The following PCDHGB3 variants were observed in gnomAD, a reference collection of about 807,000 sequenced individuals.
The protein encoded by PCDHGB3 is protocadherin gamma-B3.
Under a neutral mutation model 59.2 loss-of-function variants are expected in PCDHGB3, and 40 were observed. That is an observed-to-expected ratio of 0.68 (90% CI 0.52 to 0.88). PCDHGB3 has a LOEUF of 0.88. PCDHGB3 is among the 40% of genes least tolerant of loss of function. The pLI, the probability that PCDHGB3 is intolerant of heterozygous loss-of-function variation, is 0.00. For missense variants in PCDHGB3, 1,309 were observed against 1,187.9 expected (o/e 1.10, Z -1.50); for synonymous variants, 581 against 503.6 (o/e 1.15, Z -2.06).
At chr5:141,458,028 G>A (rs1363025110) in intron 1 of PCDHGB3, among the ~76,000 whole-genome samples, 2 of 152,122 alleles carry the variant, frequency 1.3e-5, no homozygotes, top group African/African-American at 4.8e-5. Flanking sequence ...ATTGTGTTCT[G>A]TTGACAAAGA....
chr5:141,433,921 T>G (rs1203867326), intron 1 of PCDHGB3, among the ~76,000 whole-genome samples: 2 of 152,012 alleles, frequency 1.3e-5, no homozygotes, highest in African/African-American at 4.8e-5. Flanking sequence ...CACCTCCAAA[T>G]GAAGATTTTA....
At chr5:141,386,097 T>C (rs1216816786) in intron 1 of PCDHGB3, 9 of 152,236 alleles carry the variant, frequency 5.9e-5, no homozygotes, top group African/African-American at 2.2e-4. Flanking sequence ...AGATGAAGTG[T>C]GTCTGTGGGC....
chr5:141,389,491 G>C, intron 1 of PCDHGB3: 1 of 1,612,994 alleles, frequency 6.2e-7, no homozygotes, highest in Non-Finnish European at 8.5e-7. Context: ...CGCGACCAGG[G>C]CTCGCCAGCG....
chr5:141,491,414 G>T lies in PCDHGB3; in HGVS notation c.2416-3393G>T, dbSNP rs137987971. ...CTTCAGGGAAACGCAGACGGGGACGGGGGTGGAGGGCAGTGCTGCAGGCGC... is the reference window on the plus strand; with the variant it reads ...CTTCAGGGAAACGCAGACGGGGACGTGGGTGGAGGGCAGTGCTGCAGGCGC... On this transcript the variant is annotated intron_variant, in intron 1 of 3. Coordinates refer to ENST00000576222, the MANE Select transcript of PCDHGB3 (RefSeq NM_018924.5). The surrounding 1 kb of genome is among the most constrained non-coding windows in gnomAD (Gnocchi z 6.9). 1.9e-6 allele frequency: 3 copies of T among 1,614,008 alleles called. No homozygotes were observed. Among genetic ancestry groups the T allele is most frequent in the Non-Finnish European group, 2.5e-6 (3 of 1,180,030 alleles).
chr5:141,418,985 T>C, intron 1 of PCDHGB3: 1 of 1,613,882 alleles, frequency 6.2e-7, no homozygotes, highest in Non-Finnish European at 8.5e-7. Context: ...GGACCAAGAC[T>C]CAGGGGAAAA....
rs376897075 is a variant in PCDHGB3, at chr5:141,372,333, C to A, written c.1939C>A (p.Arg647Ser). 5 of 1,613,732 alleles carry A rather than the reference C, an allele frequency of 3.1e-6. No homozygotes were observed. Among genetic ancestry groups the A allele is most frequent in the Non-Finnish European group, 4.2e-6 (5 of 1,179,906 alleles). Residue 647 changes from arginine (R) to serine (S), a missense_variant, in exon 1 of 4, where the codon CGT becomes AGT. Physicochemically the swap from Arg to Ser is moderately radical, Grantham distance 110. Coordinates refer to ENST00000576222, the MANE Select transcript of PCDHGB3 (RefSeq NM_018924.5). ...AARQRLLVTV[R>S]DGGQQPLSAT... is the part of the protein sequence containing the mutation. ...CCGCCAGCGCCTGCTGGTCACTGTG[C>A]GTGATGGAGGACAGCAGCCTCTTTC...
intron 1 of PCDHGB3, chr5:141,409,541 G>T: frequency 6.2e-7 from 1 of 1,613,970 alleles, no homozygotes; most frequent in Non-Finnish European, 8.5e-7. Context: ...TGACATCAAC[G>T]ACAACGCCCC....
In PCDHGB3 at chr5:141,374,216, G is replaced by A. The variant is rs745786041; in HGVS notation, c.2415+1407G>A. On this transcript the variant is annotated intron_variant, in intron 1 of 3. Transcript: ENST00000576222. The stretch of plus-strand genomic sequence containing the variant: ...CGAGGAGCTGGAGAAAGGCTCCTTC[G>A]TAGGCAACATCGTCAAGGATCTGGG... The A allele has an allele frequency of 5.6e-6, 9 of 1,613,860 alleles. No individual in the cohort carries two copies. In the South Asian group the frequency reaches 7.7e-5, roughly 14 times the overall value.
intron 1 of PCDHGB3, chr5:141,423,846 C>G: frequency 1.6e-6 from 2 of 1,278,968 alleles, no homozygotes; most frequent in Non-Finnish European, 2.0e-6. Flanking sequence ...GATAATCTTT[C>G]AGAACGTTTT....
chr5:141,400,516 C>T, intron 1 of PCDHGB3: 2 of 1,613,964 alleles, frequency 1.2e-6, no homozygotes, highest in African/African-American at 1.3e-5. Context: ...GACTTCCCAT[C>T]CTGAGTTGGT....
intron 1 of PCDHGB3, chr5:141,395,402 C>T (rs1012676021): frequency 5.9e-6 from 5 of 846,250 alleles, no homozygotes; most frequent in Non-Finnish European, 8.7e-6. Context: ...CTCTAATAGT[C>T]ATAGGTTATT....
At chr5:141,444,059 T>C (rs2098415588) in intron 1 of PCDHGB3, among the ~76,000 whole-genome samples, 1 of 150,620 alleles carries the variant, frequency 6.6e-6, no homozygotes, top group Admixed American at 6.6e-5. Flanking sequence ...ATCTTCAATC[T>C]AGATTCTGAT....
intron 1 of PCDHGB3, among the ~76,000 whole-genome samples, chr5:141,455,246 G>A (rs2098817522): frequency 6.6e-6 from 1 of 151,962 alleles, no homozygotes; most frequent in Non-Finnish European, 1.5e-5. Context: ...AAAGGTCATA[G>A]TACAATCGCA....
In PCDHGB3 at chr5:141,476,702, C is replaced by A. The variant is rs751321222; in HGVS notation, c.2416-18105C>A. 1.4e-5 allele frequency: 23 copies of A among 1,614,104 alleles called. No individual in the cohort carries two copies. Among genetic ancestry groups the A allele is most frequent in the Non-Finnish European group, 1.7e-5 (20 of 1,180,050 alleles). ...GGAGGACAGCACCAAGTACGCGGAG[C>A]TGGTGTTGGAGCGCGCCCTGGACCG... is the stretch of plus-strand genomic sequence containing the variant. On this transcript the variant is annotated intron_variant, in intron 1 of 3. Coordinates refer to ENST00000576222, the MANE Select transcript of PCDHGB3 (RefSeq NM_018924.5). The surrounding 1 kb of genome is among the most constrained non-coding windows in gnomAD (Gnocchi z 7.6).
At chr5:141,505,332 A>C in intron 2 of PCDHGB3, 61 bp from the exon 3 acceptor site, 1 of 1,610,872 alleles carries the variant, frequency 6.2e-7, no homozygotes, top group South Asian at 1.1e-5. Flanking sequence ...GGGAGAGGAC[A>C]GGAGGGGCAT....
At position 141,476,761 on chromosome 5, in the gene PCDHGB3, G is replaced by C. The variant is rs1293828206; in HGVS notation, c.2416-18046G>C. ...AGCCTAGTCTCCAGTTAGTGCTGAC[G>C]GCGTTGGACGGAGGGACCCCAGCTC... On this transcript the variant is annotated intron_variant, in intron 1 of 3. Transcript: ENST00000576222. This position sits in a 1 kb window ranked among gnomAD's most constrained non-coding sequence, Gnocchi z 7.6. 6.2e-7 allele frequency: 1 copy of C among 1,613,734 alleles called. No individual in the cohort carries two copies. Among genetic ancestry groups the C allele is most frequent in the East Asian group, 2.2e-5 (1 of 44,884 alleles).
chr5:141,492,146 C>T (rs979485619), intron 1 of PCDHGB3, among the ~76,000 whole-genome samples: 3 of 152,242 alleles, frequency 2.0e-5, no homozygotes, highest in African/African-American at 4.8e-5. Flanking sequence ...TGTGACTTCA[C>T]TGTTACCCTC....
At chr5:141,494,365 C>A (rs193174055) in intron 1 of PCDHGB3, among the ~76,000 whole-genome samples, 20 of 152,290 alleles carry the variant, frequency 1.3e-4, no homozygotes, top group Non-Finnish European at 2.2e-4. Context: ...GCAGAGGATG[C>A]TTTGTTCCCA....
intron 1 of PCDHGB3, chr5:141,390,879 T>C (rs965843602): frequency 1.3e-5 from 2 of 153,458 alleles, no homozygotes; most frequent in African/African-American, 4.8e-5. Flanking sequence ...TGTGTGTGTG[T>C]GTGTGTGTGA....
Sources: allele counts gnomAD v4.1 joint callset (sites outside exome capture counted in the v4.1 genomes callset), GRCh38; gene constraint gnomAD v4.1.1; non-coding constraint Gnocchi (gnomAD v3.1); transcripts MANE v1.5; gene names NCBI Gene and HGNC (gene_info 2026-07-23, HGNC 2026-07-21).